SPOCK1: variants seen among roughly 807,000 people sequenced by gnomAD.
The protein encoded by SPOCK1 is testican-1.
SPOCK1 carries 23 observed loss-of-function variants against 55.3 expected under a neutral mutation model. That is an observed-to-expected ratio of 0.42 (90% CI 0.30 to 0.59). The LOEUF (loss-of-function observed/expected upper bound fraction) is 0.59, where lower values mean the gene tolerates loss of function less well. SPOCK1 is among the 20% of genes least tolerant of loss of function. SPOCK1 has a pLI of 0.22. For missense variants in SPOCK1, 499 were observed against 552.5 expected, an observed-to-expected ratio of 0.90 and a Z score of 0.97; for synonymous variants, 226 against 221.0, an observed-to-expected ratio of 1.02 and a Z score of -0.20.
In SPOCK1 at chr5:137,185,863, T is replaced by C. The variant is rs898096342; in HGVS notation, c.233-45169A>G. Reference sequence around the variant, plus strand: ...GGCCTTTCAAAGTACATCTTGGTAATTGAAAACAAAATGAATGTGGTATTG... The same window carrying C: ...GGCCTTTCAAAGTACATCTTGGTAACTGAAAACAAAATGAATGTGGTATTG... On this transcript the variant is annotated intron_variant, in intron 3 of 10. Coordinates refer to ENST00000394945, the MANE Select transcript of SPOCK1 (RefSeq NM_004598.4). Among the ~76,000 whole-genome samples, 43 of 152,024 alleles carry C rather than the reference T, an allele frequency of 2.8e-4. 3 individuals carry two copies. The highest frequency in any genetic ancestry group is 2.0e-3 in the Admixed American group (31 of 15,264).
chr5:137,213,303 A>G (rs1755652584), intron 3 of SPOCK1, among the ~76,000 whole-genome samples: 1 of 152,204 alleles, frequency 6.6e-6, no homozygotes, highest in South Asian at 2.1e-4. Flanking sequence ...ACCCGAGGTC[A>G]CATAACAAGT....
At chr5:137,246,791 G>T (rs116431205) in intron 3 of SPOCK1, among the ~76,000 whole-genome samples, 226 of 152,148 alleles carry the variant, frequency 1.5e-3, no homozygotes, top group African/African-American at 5.2e-3. Context: ...TGGCACATGA[G>T]GGGTAGAAGC....
chr5:137,138,320 G>A lies in SPOCK1; in HGVS notation c.347+2260C>T, dbSNP rs538900749. On this transcript the variant is annotated intron_variant, in intron 4 of 10. Transcript: ENST00000394945. ...GTTGGTGCTTCCAACACAGAAACAC[G>A]GCATGCCCAGAAAAACACCATTTAC... 1.6e-4 allele frequency among the ~76,000 whole-genome samples: 25 copies of A among 152,114 alleles called. No homozygotes were observed. The South Asian group carries it at 2.3e-3, about 14-fold the overall frequency.
chr5:137,279,215 T>G (rs773523322), intron 2 of SPOCK1, among the ~76,000 whole-genome samples: 2 of 152,196 alleles, frequency 1.3e-5, no homozygotes, highest in Non-Finnish European at 2.9e-5. Context: ...GGAGCCCAAC[T>G]GAAACCAAGG....
intron 2 of SPOCK1, among the ~76,000 whole-genome samples, chr5:137,271,329 T>G (rs1009977146): frequency 6.7e-6 from 1 of 150,342 alleles, no homozygotes; most frequent in Non-Finnish European, 1.5e-5. Flanking sequence ...TCTGTTCAGA[T>G]AAGCATCAAT....
chr5:137,144,512 T>C (rs781437679), intron 3 of SPOCK1, among the ~76,000 whole-genome samples: 10 of 152,234 alleles, frequency 6.6e-5, no homozygotes, highest in African/African-American at 9.6e-5. Flanking sequence ...AACAAAACAG[T>C]AACAAATCAA....
chr5:137,041,914 A>G (rs573075463), intron 6 of SPOCK1, among the ~76,000 whole-genome samples: 1 of 152,220 alleles, frequency 6.6e-6, no homozygotes, highest in Non-Finnish European at 1.5e-5. Flanking sequence ...ATAAAACTAA[A>G]TATCTTATAA....
intron 6 of SPOCK1, among the ~76,000 whole-genome samples, chr5:137,060,961 A>G (rs1752385134): frequency 6.6e-6 from 1 of 152,220 alleles, no homozygotes; most frequent in African/African-American, 2.4e-5. Context: ...GCAGTTGCCA[A>G]TTTAATTCTC....
intron 3 of SPOCK1, among the ~76,000 whole-genome samples, chr5:137,217,604 TG>T (rs1456578574): frequency 6.6e-6 from 1 of 152,234 alleles, no homozygotes; most frequent in East Asian, 1.9e-4. Context: ...GGTATCACAC[TG>T]TGGTTTGAAA....
chr5:137,400,824 G>A (rs534580498), intron 2 of SPOCK1, among the ~76,000 whole-genome samples: 1 of 152,328 alleles, frequency 6.6e-6, no homozygotes, highest in Non-Finnish European at 1.5e-5. Flanking sequence ...CAGCTGGCAA[G>A]GAGGGAGGAA....
At chr5:137,102,265 A>G (rs1753285578) in intron 5 of SPOCK1, among the ~76,000 whole-genome samples, 1 of 152,180 alleles carries the variant, frequency 6.6e-6, no homozygotes, top group African/African-American at 2.4e-5. Context: ...TCATTAAGGG[A>G]AGGGCACATG....
chr5:137,294,796 G>C lies in SPOCK1; in HGVS notation c.187-27741C>G, dbSNP rs113177487. 1.7e-3 allele frequency among the ~76,000 whole-genome samples: 261 copies of C among 152,258 alleles called. 1 individual carries two copies. The highest frequency in any genetic ancestry group is 5.9e-3 in the African/African-American group (244 of 41,538). ...GCAGCAACGTTTCAGGCACATTCTT[G>C]CCTCAGGGCCTTTGCACTTGCTGTT... On this transcript the variant is annotated intron_variant, in intron 2 of 10. Transcript: ENST00000394945.
At chr5:137,315,287 C>T (rs1757858955) in intron 2 of SPOCK1, among the ~76,000 whole-genome samples, 1 of 152,238 alleles carries the variant, frequency 6.6e-6, no homozygotes, top group Non-Finnish European at 1.5e-5. Context: ...CTCCATGGAA[C>T]TGTAATTCTC....
chr5:136,998,314 G>T (rs1297541160), intron 6 of SPOCK1, among the ~76,000 whole-genome samples: 1 of 152,190 alleles, frequency 6.6e-6, no homozygotes, highest in African/African-American at 2.4e-5. Flanking sequence ...TTGGGAGATT[G>T]GTCTGACTTC....
At chr5:137,107,023 A>G (rs1753384591) in intron 5 of SPOCK1, among the ~76,000 whole-genome samples, 1 of 152,104 alleles carries the variant, frequency 6.6e-6, no homozygotes, top group African/African-American at 2.4e-5. Context: ...TCCAGCCTTA[A>G]GATCTCACCT....
intron 2 of SPOCK1, among the ~76,000 whole-genome samples, chr5:137,317,346 A>C (rs886721890): frequency 2.4e-4 from 37 of 152,150 alleles, no homozygotes; most frequent in African/African-American, 8.9e-4. Flanking sequence ...CCATGGAGTA[A>C]GGGTAGTGAG....
At chr5:137,042,687 A>ATG (rs1752022775) in intron 6 of SPOCK1, among the ~76,000 whole-genome samples, 3 of 151,998 alleles carry the variant, frequency 2.0e-5, no homozygotes, top group Admixed American at 6.6e-5. Flanking sequence ...GTAAATGGAT[A>ATG]GTGGATGGTG....
Position 137,113,018 on chromosome 5 carries a change from G to C in SPOCK1, c.348-457C>G, listed in dbSNP as rs17719342. 8.4e-3 allele frequency among the ~76,000 whole-genome samples: 1,275 copies of C among 152,196 alleles called. 10 individuals carry two copies. The highest frequency in any genetic ancestry group is 0.013 in the Non-Finnish European group (896 of 68,012). ...AACTCAATGAGCGCTTTAGACAAAA[G>C]CACACCTCTGAACACAACTGAAAGA... On this transcript the variant is annotated intron_variant, in intron 4 of 10. Transcript: ENST00000394945.
At chr5:137,017,238 T>C (rs1230765692) in intron 6 of SPOCK1, among the ~76,000 whole-genome samples, 1 of 152,232 alleles carries the variant, frequency 6.6e-6, no homozygotes, top group Non-Finnish European at 1.5e-5. Flanking sequence ...CTTTGGCAAC[T>C]ACAGACAGCA....
Sources: allele counts gnomAD v4.1 joint callset (sites outside exome capture counted in the v4.1 genomes callset), GRCh38; gene constraint gnomAD v4.1.1; transcripts MANE v1.5; gene names NCBI Gene and HGNC (gene_info 2026-07-23, HGNC 2026-07-21).